The following SECISBP2 variants were observed in gnomAD, a reference collection of about 807,000 sequenced individuals.
SECISBP2 encodes selenocysteine insertion sequence-binding protein 2.
A neutral mutation model predicts 98.2 loss-of-function variants in SECISBP2; 96 were observed. The ratio of observed to expected loss-of-function variants is 0.98; its 90% CI spans 0.83 to 1.16. The LOEUF is 1.16. Ranked by LOEUF, SECISBP2 falls within the 50% of genes most tolerant of loss-of-function variation. The pLI, the probability that SECISBP2 is intolerant of heterozygous loss-of-function variation, is 0.00. For synonymous variants in SECISBP2, 407 were observed against 370.2 expected, an observed-to-expected ratio of 1.10 and a Z score of -1.14; for missense variants, 1,046 against 1,022.9, an observed-to-expected ratio of 1.02 and a Z score of -0.31.
At chr9:89,352,410 G>T (rs546489132) in intron 14 of SECISBP2, among the ~76,000 whole-genome samples, 1 of 152,336 alleles carries the variant, frequency 6.6e-6, no homozygotes, top group African/African-American at 2.4e-5. Flanking sequence ...GCATCCTCCA[G>T]TGGTTTAGGA....
At position 89,339,859 on chromosome 9, in the gene SECISBP2, CT is replaced by C. The variant is rs768155868; in HGVS notation, c.1213-3del. ...AAGAGCTAAAGGGGTGTGTGGTTTA[CT>C]TAGGATGCCGAGGAATTTCCCAACC... On this transcript the variant is annotated splice_region_variant and splice_polypyrimidine_tract_variant and intron_variant, in intron 8 of 16. Coordinates refer to ENST00000375807, the MANE Select transcript of SECISBP2 (RefSeq NM_024077.5). The C allele has an allele frequency of 8.1e-6, 13 of 1,609,732 alleles. No homozygotes were observed. In the African/African-American group the frequency reaches 1.6e-4, roughly 20 times the overall value.
chr9:89,327,203 G>C (rs1826874291), intron 4 of SECISBP2, among the ~76,000 whole-genome samples: 1 of 152,056 alleles, frequency 6.6e-6, no homozygotes, highest in South Asian at 2.1e-4. Flanking sequence ...TACCCGTATA[G>C]GGCACTTACC....
In SECISBP2 at chr9:89,348,216, T is replaced by G. The variant is rs1587982488; in HGVS notation, c.1738+2T>G. 3.1e-6 allele frequency: 5 copies of G among 1,613,932 alleles called. No individual in the cohort carries two copies. Among genetic ancestry groups the G allele is most frequent in the Non-Finnish European group, 4.2e-6 (5 of 1,180,006 alleles). ...TTCCCGAGCAGGCAGAGCTGTCAGGTACCAACTTCTCTTTGTGCCTTAAGA... is the reference window on the plus strand; with the variant it reads ...TTCCCGAGCAGGCAGAGCTGTCAGGGACCAACTTCTCTTTGTGCCTTAAGA... On this transcript the variant is annotated splice_donor_variant, in intron 12 of 16. Coordinates refer to ENST00000375807, the MANE Select transcript of SECISBP2 (RefSeq NM_024077.5). LOFTEE classifies it high-confidence loss of function.
intron 1 of SECISBP2, 129 bp downstream of exon 1, chr9:89,318,741 C>T (rs937976944): frequency 2.3e-4 from 283 of 1,229,846 alleles, no homozygotes; most frequent in East Asian, 8.3e-4. Flanking sequence ...CACGGGAGCG[C>T]CCTACCGGGT....
At position 89,350,660 on chromosome 9, in the gene SECISBP2, G is replaced by A; in HGVS notation, c.1921G>A (p.Val641Met). 6.2e-7 allele frequency: 1 copy of A among 1,614,138 alleles called. No individual in the cohort carries two copies. Among genetic ancestry groups the A allele is most frequent in the Non-Finnish European group, 8.5e-7 (1 of 1,179,986 alleles). Residue 641 changes from valine (V) to methionine (M), a missense_variant, in exon 14 of 17, where the codon GTG becomes ATG. By Grantham distance (21) the Val-to-Met change is conservative (BLOSUM62 1). Transcript: ENST00000375807. ...DYCSQMLSKE[V>M]DACVTDLLKE... is the part of the protein sequence containing the mutation. Reference sequence around the variant, plus strand: ...CTGCAGCCAGATGCTTAGTAAAGAAGTGGATGCTTGTGTTACCGACCTACT... The same window carrying A: ...CTGCAGCCAGATGCTTAGTAAAGAAATGGATGCTTGTGTTACCGACCTACT...
chr9:89,325,562 G>C lies in SECISBP2; in HGVS notation c.318G>C (p.Val106=). 3 of 1,614,108 alleles carry C rather than the reference G, an allele frequency of 1.9e-6. No homozygotes were observed. Among genetic ancestry groups the C allele is most frequent in the Non-Finnish European group, 2.5e-6 (3 of 1,180,020 alleles). ...TLDSTQNVYS[V]PGSQYLYNQP... ...ACTCCACACAGAATGTTTACTCAGT[G>C]CCTGGCTCCCAGTATCTTTATAACC... Residue 106 remains valine, a synonymous_variant, in exon 3 of 17, where the codon GTG becomes GTC. Transcript: ENST00000375807.
At chr9:89,331,461 T>G (rs888471254) in intron 5 of SECISBP2, among the ~76,000 whole-genome samples, 17 of 152,250 alleles carry the variant, frequency 1.1e-4, no homozygotes, top group Admixed American at 6.5e-5. Context: ...GTGAAGCATA[T>G]GAATTTTAAA....
Position 89,332,899 on chromosome 9 carries a change from G to T in SECISBP2, c.802-9G>T. 1 of 1,609,692 alleles carries T rather than the reference G, an allele frequency of 6.2e-7. No homozygotes were observed. The highest frequency in any genetic ancestry group is 2.2e-5 in the East Asian group (1 of 44,788). On this transcript the variant is annotated splice_polypyrimidine_tract_variant and intron_variant, in intron 5 of 16. Coordinates refer to ENST00000375807, the MANE Select transcript of SECISBP2 (RefSeq NM_024077.5). The stretch of plus-strand genomic sequence containing the variant: ...TTCTCTGATGACATCTAATGTGTTT[G>T]CTTTTTAGGGTGAAATAGTGGTGAA...
intron 14 of SECISBP2, chr9:89,354,746 T>G (rs1411196767): frequency 2.0e-6 from 2 of 985,102 alleles, no homozygotes; most frequent in African/African-American, 3.5e-5. Flanking sequence ...AAGCCTGCTC[T>G]GTTAGGTTGT....
At chr9:89,342,186 A>G (rs1407735682) in intron 10 of SECISBP2, among the ~76,000 whole-genome samples, 3 of 152,146 alleles carry the variant, frequency 2.0e-5, no homozygotes, top group Non-Finnish European at 2.9e-5. Context: ...AAAGATACTC[A>G]ATATCATTAG....
At chr9:89,356,112 A>T (rs1047675578) in intron 14 of SECISBP2, among the ~76,000 whole-genome samples, 1 of 152,224 alleles carries the variant, frequency 6.6e-6, no homozygotes, top group African/African-American at 2.4e-5. Context: ...GTGGCACAGC[A>T]GGAGGTGAGC....
downstream of SECISBP2, among the ~76,000 whole-genome samples, chr9:89,360,246 G>A (rs1049039181): frequency 6.6e-6 from 1 of 152,174 alleles, no homozygotes; most frequent in Non-Finnish European, 1.5e-5. Context: ...ATCTTTCAGG[G>A]CAGTCAGCGG....
At chr9:89,350,949 G>A (rs1334822459) in intron 14 of SECISBP2, 97 bp downstream of exon 14, 12 of 986,592 alleles carry the variant, frequency 1.2e-5, no homozygotes, top group Non-Finnish European at 1.9e-5. Flanking sequence ...CATGCCACAG[G>A]TCTTGACAAC....
chr9:89,348,139 G>T lies in SECISBP2; in HGVS notation c.1663G>T (p.Ala555Ser), dbSNP rs781165197. Residue 555 changes from alanine (A) to serine (S), a missense_variant, in exon 12 of 17, where the codon GCT becomes TCT. Ala to Ser is a moderately conservative substitution (Grantham distance 99). Coordinates refer to ENST00000375807, the MANE Select transcript of SECISBP2 (RefSeq NM_024077.5). ...TCTCCAAGAAAATGCTGTGAGTCCA[G>T]CTTTTACCAGTGATGACACACAAGA... ...QRLQENAVSP[A>S]FTSDDTQDGE... is the part of the protein sequence containing the mutation. 1 of 1,614,126 alleles carries T rather than the reference G, an allele frequency of 6.2e-7. No homozygotes were observed. The highest frequency in any genetic ancestry group is 8.5e-7 in the Non-Finnish European group (1 of 1,179,932).
chr9:89,362,901 G>T (rs938779915), downstream of SECISBP2, among the ~76,000 whole-genome samples: 1 of 152,192 alleles, frequency 6.6e-6, no homozygotes, highest in Non-Finnish European at 1.5e-5. Context: ...CTTTGTCTCC[G>T]TGGGGAGACA....
At chr9:89,356,154 C>G (rs1054900800) in intron 14 of SECISBP2, among the ~76,000 whole-genome samples, 1 of 152,202 alleles carries the variant, frequency 6.6e-6, no homozygotes, top group African/African-American at 2.4e-5. Flanking sequence ...TCTGTCAGAA[C>G]AGCAGCAGCG....
At chr9:89,363,806 C>T (rs201705752), downstream of SECISBP2, 97 of 1,614,022 alleles carry the variant, frequency 6.0e-5, no homozygotes, top group Non-Finnish European at 7.0e-5. Context: ...GACAGAGCAG[C>T]GATACTCAGC....
At position 89,358,052 on chromosome 9, in the gene SECISBP2, GA is replaced by G; in HGVS notation, c.2323del (p.Thr775ProfsTer38). ...LTVAARQAYK[T>X]MLENVQQELV... is the part of the protein sequence containing the mutation. ...CAGTGGCGGCCCGACAGGCGTACAAGACCATGCTGGAGAATGTGCAGCAGGA... is the reference window on the plus strand; with the variant it reads ...CAGTGGCGGCCCGACAGGCGTACAAGCCATGCTGGAGAATGTGCAGCAGGA... On this transcript the variant is annotated frameshift_variant, in exon 16 of 17. Coordinates refer to ENST00000375807, the MANE Select transcript of SECISBP2 (RefSeq NM_024077.5). LOFTEE classifies it high-confidence loss of function. 1 of 1,613,746 alleles carries G rather than the reference GA, an allele frequency of 6.2e-7. No individual in the cohort carries two copies. The highest frequency in any genetic ancestry group is 8.5e-7 in the Non-Finnish European group (1 of 1,180,012).
chr9:89,338,666 G>T, intron 8 of SECISBP2, 86 bp downstream of exon 8: 2 of 1,380,054 alleles, frequency 1.4e-6, no homozygotes, highest in South Asian at 2.5e-5. Context: ...GGTTTCCTAA[G>T]TGAAAATCTC....
Sources: allele counts gnomAD v4.1 joint callset (sites outside exome capture counted in the v4.1 genomes callset), GRCh38; gene constraint gnomAD v4.1.1; transcripts MANE v1.5; gene names NCBI Gene and HGNC (gene_info 2026-07-23, HGNC 2026-07-21).